Variants in B4GALNT2 observed in about 807,000 individuals in gnomAD.
B4GALNT2 encodes N-acetylneuraminylgalactosylglucosyl-glucoside beta-1,4-N- acetylgalactosaminyltransferase 2.
In B4GALNT2, 42 loss-of-function variants were observed where a neutral mutation model predicts 51.1. That is an observed-to-expected ratio of 0.82 (90% confidence interval 0.64 to 1.06). The LOEUF is 1.06. B4GALNT2 is among the 50% of genes least tolerant of loss of function. B4GALNT2 has a pLI of 0.00. For missense variants in B4GALNT2, 602 were observed against 633.6 expected (o/e 0.95, Z 0.54); for synonymous variants, 253 against 251.7 (o/e 1.01, Z -0.05).
At chr17:49,126,449 T>A in the B4GALNT2 span, among the ~76,000 whole-genome samples, 1 of 145,722 alleles carries the variant, frequency 6.9e-6, no homozygotes, top group Non-Finnish European at 1.5e-5. Flanking sequence ...TATTGTCCTA[T>A]GACCCTGCCA....
Position 49,169,631 on chromosome 17 carries a change from A to G in B4GALNT2, c.1424A>G (p.Glu475Gly), listed in dbSNP as rs755437863. Residue 475 changes from glutamate to glycine, a missense_variant, in exon 11 of 11, where the codon GAG (glutamate) becomes GGG (glycine). Coordinates refer to ENST00000393354, the MANE Select transcript of B4GALNT2 (RefSeq NM_001159387.2). ...GTGGACTCAGAACTGGCTGCCCTAG[A>G]GAAGACCTACAATACATACCGGTCC... Reference protein sequence around the residue: ...PVVDSELAALEKTYNTYRSNT... With the variant: ...PVVDSELAALGKTYNTYRSNT... 24 of 1,613,252 alleles carry G rather than the reference A, an allele frequency of 1.5e-5. No individual in the cohort carries two copies. In the African/African-American group the frequency reaches 2.1e-4, roughly 14 times the overall value.
At chr17:49,139,384 C>T (rs965596903) in intron 1 of B4GALNT2, among the ~76,000 whole-genome samples, 3 of 152,092 alleles carry the variant, frequency 2.0e-5, no homozygotes, top group African/African-American at 7.2e-5. Flanking sequence ...GACCACAGGC[C>T]TGGGCCACCA....
Position 49,137,587 on chromosome 17 carries a change from A to G in B4GALNT2, c.15-3660A>G, listed in dbSNP as rs142113323. Among the ~76,000 whole-genome samples, 267 of 152,338 alleles carry G rather than the reference A, an allele frequency of 1.8e-3. 4 individuals are homozygous for G. The highest frequency in any genetic ancestry group is 5.8e-3 in the African/African-American group (240 of 41,580). On this transcript the variant is annotated intron_variant, in intron 1 of 10. Coordinates refer to ENST00000393354, the MANE Select transcript of B4GALNT2 (RefSeq NM_001159387.2). ...TTCTGTTATAGCAGCACAAAACCGT[A>G]CAAACCAGACCAAGGCAGTGTGATA...
At chr17:49,132,045 G>A (rs1484761169), upstream of B4GALNT2, among the ~76,000 whole-genome samples, 2 of 152,098 alleles carry the variant, frequency 1.3e-5, no homozygotes, top group Non-Finnish European at 2.9e-5. Flanking sequence ...GGATGGCTGA[G>A]GTGGGAGAAT....
intron 7 of B4GALNT2, 121 bp downstream of exon 7, chr17:49,160,762 C>G: frequency 1.1e-6 from 1 of 895,126 alleles, no homozygotes; most frequent in Non-Finnish European, 1.8e-6. Context: ...GATATGCTCC[C>G]TGACAAGCTT....
chr17:49,127,570 A>G (rs36100358), upstream of B4GALNT2, among the ~76,000 whole-genome samples: 3,170 of 152,298 alleles, frequency 0.021, 108 homozygotes, highest in African/African-American at 0.072. Context: ...TTTAAAATAG[A>G]TATTGCACAC....
intron 1 of B4GALNT2, among the ~76,000 whole-genome samples, 194 bp from the exon 2 acceptor site, chr17:49,141,053 C>A (rs925435838): frequency 6.6e-6 from 1 of 151,534 alleles, no homozygotes; most frequent in Non-Finnish European, 1.5e-5. Context: ...TTTTGCCATC[C>A]TTTTATTTGT....
At chr17:49,143,109 C>T (rs1598200562) in intron 3 of B4GALNT2, among the ~76,000 whole-genome samples, 1 of 152,034 alleles carries the variant, frequency 6.6e-6, no homozygotes, top group East Asian at 1.9e-4. Flanking sequence ...ATTAGCTAGG[C>T]ATGGTGACGC....
At chr17:49,138,019 A>G (rs141836622) in intron 1 of B4GALNT2, among the ~76,000 whole-genome samples, 93 of 152,334 alleles carry the variant, frequency 6.1e-4, no homozygotes, top group African/African-American at 2.2e-3. Context: ...GATAGGCCCC[A>G]CTTTCAATGT....
intron 10 of B4GALNT2, 122 bp from the exon 11 acceptor site, chr17:49,169,401 G>A (rs967005276): frequency 2.2e-6 from 2 of 906,726 alleles, no homozygotes; most frequent in African/African-American, 1.6e-5. Flanking sequence ...TTCACGTGGG[G>A]CTGAACCTCC....
chr17:49,161,469 T>C (rs1047575910), intron 7 of B4GALNT2, among the ~76,000 whole-genome samples: 1 of 151,502 alleles, frequency 6.6e-6, no homozygotes, highest in African/African-American at 2.4e-5. Context: ...GAGGCGGAGA[T>C]GGGAGGATCG....
At chr17:49,169,108 C>A (rs959769176) in intron 10 of B4GALNT2, among the ~76,000 whole-genome samples, 3 of 152,154 alleles carry the variant, frequency 2.0e-5, no homozygotes, top group African/African-American at 7.2e-5. Flanking sequence ...TCTGTGTCTC[C>A]TGTAGGCTGC....
chr17:49,140,055 T>A (rs1227651665), intron 1 of B4GALNT2, among the ~76,000 whole-genome samples: 1 of 148,542 alleles, frequency 6.7e-6, no homozygotes, highest in Non-Finnish European at 1.5e-5. Context: ...AAATATAATA[T>A]AATATAATTT....
chr17:49,149,516 GTA>G (rs2042729333), intron 3 of B4GALNT2, among the ~76,000 whole-genome samples: 1 of 151,958 alleles, frequency 6.6e-6, no homozygotes, highest in Non-Finnish European at 1.5e-5. Flanking sequence ...ACATGGTGGT[GTA>G]TGCCTGTAAT....
chr17:49,163,169 T>G (rs1431324814), intron 7 of B4GALNT2, among the ~76,000 whole-genome samples: 2 of 152,100 alleles, frequency 1.3e-5, no homozygotes, highest in Non-Finnish European at 2.9e-5. Context: ...GCAGCTCCAG[T>G]TGTGGCATCA....
intron 10 of B4GALNT2, 46 bp from the exon 11 acceptor site, chr17:49,169,477 T>G (rs767254798): frequency 6.3e-7 from 1 of 1,575,680 alleles, no homozygotes; most frequent in Admixed American, 1.7e-5. Flanking sequence ...GTGCCCACTT[T>G]TCTGACCGCA....
the B4GALNT2 span, among the ~76,000 whole-genome samples, chr17:49,121,197 C>G: frequency 2.6e-4 from 39 of 152,296 alleles, 1 homozygote; most frequent in South Asian, 8.1e-3. Flanking sequence ...CTACTCTGAG[C>G]CAGGCCTGCG....
chr17:49,159,012 C>T (rs768733765), intron 5 of B4GALNT2, 25 bp from the exon 6 acceptor site: 8 of 1,609,314 alleles, frequency 5.0e-6, no homozygotes, highest in Non-Finnish European at 6.8e-6. Context: ...CTGCATTGAG[C>T]ATCATTCTAC....
intron 5 of B4GALNT2, 65 bp from the exon 6 acceptor site, chr17:49,158,972 G>A (rs767062318): frequency 7.7e-6 from 12 of 1,549,344 alleles, no homozygotes; most frequent in Middle Eastern, 1.7e-4. Flanking sequence ...GGGTATGTAT[G>A]TATCTTTCCA....
Sources: gnomAD v4.1 joint callset for allele counts (sites outside exome capture counted in the v4.1 genomes callset) on GRCh38, gnomAD v4.1.1 for gene constraint, MANE v1.5 for transcripts, NCBI Gene and HGNC (gene_info 2026-07-23, HGNC 2026-07-21) for gene names.